FTO: variants seen among roughly 807,000 people sequenced by gnomAD.
FTO encodes the protein FTO alpha-ketoglutarate dependent dioxygenase, also known as alpha-ketoglutarate-dependent dioxygenase FTO.
FTO carries 47 observed loss-of-function variants against 63.9 expected under a neutral mutation model. That is an observed-to-expected ratio of 0.74 (90% confidence interval 0.58 to 0.94). The LOEUF is 0.94. Ranked by LOEUF, FTO falls within the 40% of genes least tolerant of loss-of-function variation. The pLI, the probability that FTO is intolerant of heterozygous loss-of-function variation, is 0.00. For synonymous variants in FTO, 207 were observed against 224.4 expected, an observed-to-expected ratio of 0.92 and a Z score of 0.69; for missense variants, 562 against 618.1, an observed-to-expected ratio of 0.91 and a Z score of 0.96.
chr16:54,103,334 T>C (rs988864042), intron 8 of FTO, among the ~76,000 whole-genome samples: 1 of 152,138 alleles, frequency 6.6e-6, no homozygotes, highest in Non-Finnish European at 1.5e-5. Flanking sequence ...CAAAAGTAGA[T>C]GTATATACAA....
At chr16:54,074,408 C>G (rs1431707561) in intron 8 of FTO, among the ~76,000 whole-genome samples, 11 of 152,090 alleles carry the variant, frequency 7.2e-5, no homozygotes, top group Non-Finnish European at 1.0e-4. Context: ...AATATTTGAG[C>G]CTGTTGCCTC....
intron 4 of FTO, among the ~76,000 whole-genome samples, chr16:53,848,355 A>T (rs1293820687): frequency 6.6e-6 from 1 of 152,312 alleles, no homozygotes; most frequent in Non-Finnish European, 1.5e-5. Context: ...TGCTGTCTCA[A>T]GTAAATACTC....
Position 54,086,904 on chromosome 16 carries a change from A to G in FTO, c.1365-24858A>G, listed in dbSNP as rs149207767. On this transcript the variant is annotated intron_variant, in intron 8 of 8. Coordinates refer to ENST00000471389, the MANE Select transcript of FTO (RefSeq NM_001080432.3). The stretch of plus-strand genomic sequence containing the variant: ...TATTCCCAAGACCCTCCACGTCCCA[A>G]AGGAGTTCAGTGGGCTGCCGGCCCC... 3.0e-4 allele frequency among the ~76,000 whole-genome samples: 45 copies of G among 152,322 alleles called. 1 individual carries two copies. The highest frequency in any genetic ancestry group is 1.1e-3 in the African/African-American group (44 of 41,584).
intron 1 of FTO, among the ~76,000 whole-genome samples, chr16:53,755,313 G>A (rs1249159709): frequency 1.3e-5 from 2 of 152,088 alleles, no homozygotes; most frequent in African/African-American, 2.4e-5. Context: ...GAGCTTGGAC[G>A]GTTGACATGA....
intron 8 of FTO, among the ~76,000 whole-genome samples, chr16:53,954,565 G>A (rs1284477950): frequency 6.6e-6 from 1 of 152,130 alleles, no homozygotes; most frequent in African/African-American, 2.4e-5. Flanking sequence ...ATAAAACTTA[G>A]GTGCAGAACT....
chr16:53,949,452 G>A (rs2082721023), intron 8 of FTO, among the ~76,000 whole-genome samples: 1 of 152,144 alleles, frequency 6.6e-6, no homozygotes, highest in Admixed American at 6.5e-5. Flanking sequence ...GGCGGCCACC[G>A]AAGTCAGCTG....
intron 8 of FTO, among the ~76,000 whole-genome samples, chr16:54,020,460 A>G (rs2084563991): frequency 6.6e-6 from 1 of 152,244 alleles, no homozygotes; most frequent in Non-Finnish European, 1.5e-5. Flanking sequence ...ACAGTTTCAT[A>G]AGGATTTTTA....
intron 3 of FTO, among the ~76,000 whole-genome samples, chr16:53,841,462 T>C (rs1041654306): frequency 6.6e-6 from 1 of 152,178 alleles, no homozygotes; most frequent in Non-Finnish European, 1.5e-5. Flanking sequence ...TATGGCAGTG[T>C]TAGATTTCAG....
At chr16:53,740,428 G>T (rs996682354) in intron 1 of FTO, among the ~76,000 whole-genome samples, 3 of 152,176 alleles carry the variant, frequency 2.0e-5, no homozygotes, top group African/African-American at 7.2e-5. Context: ...GCTAAGTGAA[G>T]AAAATATTTT....
chr16:54,105,927 AT>A (rs1248547161), intron 8 of FTO, among the ~76,000 whole-genome samples: 1 of 152,048 alleles, frequency 6.6e-6, no homozygotes, highest in East Asian at 1.9e-4. Flanking sequence ...TTGTTGCAAA[AT>A]TTAGGGACAA....
At chr16:53,764,633 T>G (rs2077153029) in intron 1 of FTO, among the ~76,000 whole-genome samples, 1 of 152,150 alleles carries the variant, frequency 6.6e-6, no homozygotes, top group African/African-American at 2.4e-5. Context: ...TTATTCTTCT[T>G]GTCTACTTGA....
intron 8 of FTO, among the ~76,000 whole-genome samples, chr16:53,986,674 G>A (rs2143861126): frequency 6.6e-6 from 1 of 152,274 alleles, no homozygotes; most frequent in East Asian, 1.9e-4. Context: ...TTAGGGTTTT[G>A]CTATATAATC....
chr16:53,788,264 TC>T (rs199904341), intron 1 of FTO, among the ~76,000 whole-genome samples: 4,615 of 143,702 alleles, frequency 0.032, 114 homozygotes, highest in Non-Finnish European at 0.047. Context: ...AACATTTTTT[TC>T]CCCCACCTCT....
chr16:53,911,105 TTTA>T (rs2081685316), intron 7 of FTO, among the ~76,000 whole-genome samples: 1 of 152,226 alleles, frequency 6.6e-6, no homozygotes, highest in East Asian at 1.9e-4. Context: ...GGGAGTTTGA[TTTA>T]TGTCTGCAGT....
chr16:53,786,793 TGACTTGAACATTTGTTCCTTA>T (rs1161619543), intron 1 of FTO, among the ~76,000 whole-genome samples: 8 of 152,080 alleles, frequency 5.3e-5, no homozygotes, highest in Admixed American at 5.2e-4. Flanking sequence ...AGGCTGAGTG[TGACTTGAACATTTGTTCCTTA>T]GAAACACCAT....
chr16:53,851,691 T>C (rs747529952), intron 4 of FTO, among the ~76,000 whole-genome samples: 1 of 152,208 alleles, frequency 6.6e-6, no homozygotes, highest in South Asian at 2.1e-4. Flanking sequence ...ATTATAAATA[T>C]TACTCTAGTG....
intron 8 of FTO, among the ~76,000 whole-genome samples, chr16:54,106,528 ATTAT>A (rs1228526633): frequency 3.8e-5 from 5 of 132,370 alleles, no homozygotes; most frequent in African/African-American, 1.3e-4. Flanking sequence ...TTATTATATA[ATTAT>A]TTTATATATT....
intron 8 of FTO, among the ~76,000 whole-genome samples, chr16:53,950,494 A>C (rs1427335356): frequency 6.6e-6 from 1 of 152,140 alleles, no homozygotes; most frequent in African/African-American, 2.4e-5. Context: ...TCCAGTGATA[A>C]ATGTCGTAGA....
rs556357629 is a variant in FTO, at chr16:53,815,636, G to GTTT, written c.123+5447_123+5449dup. On this transcript the variant is annotated intron_variant, in intron 2 of 8. Transcript: ENST00000471389. The stretch of plus-strand genomic sequence containing the variant: ...ACCCTATAAGGCCATTGACTTTCTT[G>GTTT]TTTTTTTTTTTTTTTTTTTTTTTTT... 1.7e-3 allele frequency among the ~76,000 whole-genome samples: 162 copies of GTTT among 98,132 alleles called. 12 individuals carry two copies. Among genetic ancestry groups the GTTT allele is most frequent in the African/African-American group, 3.3e-3 (62 of 18,530 alleles). The allele number at this position is 98,132 out of a possible 152,430, so 64.4% of individuals were successfully genotyped here.
Sources: allele counts gnomAD v4.1 joint callset (sites outside exome capture counted in the v4.1 genomes callset), GRCh38; gene constraint gnomAD v4.1.1; transcripts MANE v1.5; gene names NCBI Gene and HGNC (gene_info 2026-07-23, HGNC 2026-07-21).